The following TRAPPC9 variants were observed in gnomAD, a reference collection of about 807,000 sequenced individuals.
TRAPPC9 encodes the protein IKK2 binding protein.
TRAPPC9 carries 83 observed loss-of-function variants against 124.0 expected under a neutral mutation model. That is an observed-to-expected ratio of 0.67 (90% confidence interval 0.56 to 0.80). TRAPPC9 has a LOEUF of 0.80. Ranked by LOEUF, TRAPPC9 falls within the 30% of genes least tolerant of loss-of-function variation. The pLI is 0.00. For synonymous variants in TRAPPC9, 638 were observed against 617.5 expected, an observed-to-expected ratio of 1.03 and a Z score of -0.49; for missense variants, 1,302 against 1,508.3, an observed-to-expected ratio of 0.86 and a Z score of 2.27.
At chr8:140,036,562 G>A (rs1028073243) in intron 17 of TRAPPC9, among the ~76,000 whole-genome samples, 2 of 152,208 alleles carry the variant, frequency 1.3e-5, no homozygotes, top group Non-Finnish European at 2.9e-5. Flanking sequence ...ACAGGGTGTG[G>A]TACAAAGATC....
In TRAPPC9 at chr8:140,063,850, C is replaced by A. The variant is rs1842766280; in HGVS notation, c.2557-39771G>T. On this transcript the variant is annotated intron_variant, in intron 17 of 22. Transcript: ENST00000438773. This position sits in a 1 kb window ranked among gnomAD's most constrained non-coding sequence, Gnocchi z 4.3. The stretch of plus-strand genomic sequence containing the variant: ...TCACCCTTTCGGGTTCACAATTTGC[C>A]CGCTTCCTATCACACCCCTAAATGC... 6.6e-6 allele frequency among the ~76,000 whole-genome samples: 1 copy of A among 152,030 alleles called. No homozygotes were observed. Among genetic ancestry groups the A allele is most frequent in the Non-Finnish European group, 1.5e-5 (1 of 67,998 alleles).
In TRAPPC9 at chr8:140,094,189, T is replaced by C. The variant is rs138240512; in HGVS notation, c.2557-70110A>G. The stretch of plus-strand genomic sequence containing the variant: ...CCAAATTCTTTGGCTGGAGGAGACA[T>C]GGTGGTCACTTCCAAATAGCAACAG... On this transcript the variant is annotated intron_variant, in intron 17 of 22. Coordinates refer to ENST00000438773, the MANE Select transcript of TRAPPC9 (RefSeq NM_001160372.4). 2.0e-3 allele frequency among the ~76,000 whole-genome samples: 312 copies of C among 152,264 alleles called. 3 individuals are homozygous for C. The East Asian group carries it at 0.04, about 19-fold the overall frequency.
intron 15 of TRAPPC9, among the ~76,000 whole-genome samples, chr8:140,264,081 T>TAAA (rs2064529387): frequency 6.6e-6 from 1 of 152,200 alleles, no homozygotes; most frequent in African/African-American, 2.4e-5. Flanking sequence ...CGTGATTATT[T>TAAA]TTAAGAAAAG....
At chr8:139,893,166 G>A (rs1162507770) in intron 20 of TRAPPC9, among the ~76,000 whole-genome samples, 1 of 152,350 alleles carries the variant, frequency 6.6e-6, no homozygotes, top group East Asian at 1.9e-4. Context: ...CAGCCCTGGC[G>A]AGATGCCTCT....
intron 17 of TRAPPC9, among the ~76,000 whole-genome samples, chr8:140,154,769 C>A (rs1292756198): frequency 6.6e-6 from 1 of 152,220 alleles, no homozygotes; most frequent in Non-Finnish European, 1.5e-5. Context: ...AATTAAATTA[C>A]TATGTCTACA....
At chr8:139,735,603 G>T (rs1387258664) in intron 21 of TRAPPC9, among the ~76,000 whole-genome samples, 1 of 152,212 alleles carries the variant, frequency 6.6e-6, no homozygotes, top group East Asian at 1.9e-4. Flanking sequence ...TTAAGGGAAA[G>T]ATACGATTAT....
chr8:140,249,873 G>A (rs2131488485), intron 16 of TRAPPC9, among the ~76,000 whole-genome samples: 2 of 152,182 alleles, frequency 1.3e-5, no homozygotes, highest in Middle Eastern at 6.8e-3. Flanking sequence ...CTCCCAAAGT[G>A]CTGGGATTAC....
chr8:140,026,997 G>A (rs766981475), intron 17 of TRAPPC9, among the ~76,000 whole-genome samples: 25 of 152,026 alleles, frequency 1.6e-4, no homozygotes, highest in Non-Finnish European at 2.6e-4. Flanking sequence ...TTGTGAACAC[G>A]TCTCAGACCT....
At chr8:140,190,533 G>A (rs998071640) in intron 17 of TRAPPC9, among the ~76,000 whole-genome samples, 5 of 152,144 alleles carry the variant, frequency 3.3e-5, no homozygotes, top group Non-Finnish European at 7.4e-5. Flanking sequence ...ATTACAAGCA[G>A]GAATTAATTG....
chr8:140,183,972 GGAGGGA>G, intron 17 of TRAPPC9, among the ~76,000 whole-genome samples: 6 of 115,900 alleles, frequency 5.2e-5, no homozygotes, highest in South Asian at 3.3e-4. Flanking sequence ...GGAGGAGGGA[GGAGGGA>G]GGAGGGAGGA....
intron 19 of TRAPPC9, among the ~76,000 whole-genome samples, chr8:139,988,168 G>A (rs1837372867): frequency 6.8e-6 from 1 of 147,888 alleles, no homozygotes; most frequent in African/African-American, 2.5e-5. Flanking sequence ...GAGTACGGTG[G>A]TACGATCGAT....
intron 9 of TRAPPC9, among the ~76,000 whole-genome samples, chr8:140,319,409 C>T (rs1303519196): frequency 2.6e-5 from 4 of 151,978 alleles, no homozygotes; most frequent in Non-Finnish European, 4.4e-5. Flanking sequence ...GATCTCCTAA[C>T]CTCCTGATCC....
chr8:139,797,723 C>G (rs772929369), intron 21 of TRAPPC9, among the ~76,000 whole-genome samples: 3 of 152,216 alleles, frequency 2.0e-5, no homozygotes, highest in Non-Finnish European at 1.5e-5. Context: ...ATAAGGATCT[C>G]TGGTTATTCA....
intron 17 of TRAPPC9, among the ~76,000 whole-genome samples, chr8:140,085,010 G>A (rs957028730): frequency 6.6e-6 from 1 of 152,212 alleles, no homozygotes; most frequent in Non-Finnish European, 1.5e-5. Flanking sequence ...GCTCGACTCT[G>A]AAAGCTTTAC....
Position 140,158,574 on chromosome 8 carries a change from T to C in TRAPPC9, c.2556+62885A>G, listed in dbSNP as rs142339186. ...TTGTTTTAAGCCACTGAGTTTATAGTATCTCTTACAGCAGCAATAAGAACT... is the reference window on the plus strand; with the variant it reads ...TTGTTTTAAGCCACTGAGTTTATAGCATCTCTTACAGCAGCAATAAGAACT... On this transcript the variant is annotated intron_variant, in intron 17 of 22. Transcript: ENST00000438773. Among the ~76,000 whole-genome samples, 95 of 152,384 alleles carry C rather than the reference T, an allele frequency of 6.2e-4. 1 individual carries two copies. In the East Asian group the frequency reaches 9.1e-3, roughly 15 times the overall value.
At position 140,235,122 on chromosome 8, in the gene TRAPPC9, C is replaced by T. The variant is rs369968122; in HGVS notation, c.2432-13539G>A. Among the ~76,000 whole-genome samples the T allele has an allele frequency of 6.2e-4, 95 of 152,244 alleles. 3 individuals are homozygous for T. In the East Asian group the frequency reaches 0.017, roughly 28 times the overall value. ...AGTAGGCTGGGATTACAAGCGCCTGCCACCATGCCCAGCTAGTTTTTTGTA... is the reference window on the plus strand; with the variant it reads ...AGTAGGCTGGGATTACAAGCGCCTGTCACCATGCCCAGCTAGTTTTTTGTA... On this transcript the variant is annotated intron_variant, in intron 16 of 22. Transcript: ENST00000438773.
At chr8:139,960,705 T>A (rs1835324961) in intron 19 of TRAPPC9, among the ~76,000 whole-genome samples, 1 of 73,656 alleles carries the variant, frequency 1.4e-5, no homozygotes, top group Admixed American at 1.6e-4. Flanking sequence ...TTAGCCAGAG[T>A]TGTGGAGAGG....
In TRAPPC9 at chr8:139,918,119, C is replaced by T. The variant is rs140481127; in HGVS notation, c.2811-7819G>A. Among the ~76,000 whole-genome samples, 438 of 152,304 alleles carry T rather than the reference C, an allele frequency of 2.9e-3. 2 individuals carry two copies. Among genetic ancestry groups the T allele is most frequent in the African/African-American group, 9.4e-3 (390 of 41,554 alleles). Reference sequence around the variant, plus strand: ...CCTTCAATCATGGAAGTCTGTGATTCGCAGGCATCTTGTTTTCTGAATCTT... The same window carrying T: ...CCTTCAATCATGGAAGTCTGTGATTTGCAGGCATCTTGTTTTCTGAATCTT... On this transcript the variant is annotated intron_variant, in intron 19 of 22. Transcript: ENST00000438773.
At chr8:140,189,827 T>G (rs192996524) in intron 17 of TRAPPC9, among the ~76,000 whole-genome samples, 4 of 152,296 alleles carry the variant, frequency 2.6e-5, no homozygotes, top group Admixed American at 2.6e-4. Flanking sequence ...GCTCTCTCTA[T>G]GGTCTTATCT....
Sources: allele counts gnomAD v4.1 joint callset (sites outside exome capture counted in the v4.1 genomes callset), GRCh38; gene constraint gnomAD v4.1.1; non-coding constraint Gnocchi (gnomAD v3.1); transcripts MANE v1.5; gene names NCBI Gene and HGNC (gene_info 2026-07-23, HGNC 2026-07-21).